Variants in NCSTN observed in about 807,000 individuals in gnomAD.
NCSTN encodes the protein anterior pharynx-defective 2.
A neutral mutation model predicts 87.0 loss-of-function variants in NCSTN; 22 were observed. The observed-to-expected ratio is 0.25, with a 90% CI of 0.18 to 0.36. The LOEUF is 0.36. Ranked by LOEUF, NCSTN falls within the 10% of genes least tolerant of loss-of-function variation. The pLI is 1.00. For synonymous variants in NCSTN, 306 were observed against 327.1 expected, an observed-to-expected ratio of 0.94 and a Z score of 0.69; for missense variants, 693 against 883.3, an observed-to-expected ratio of 0.78 and a Z score of 2.73.
At chr1:160,355,514 A>G in intron 11 of NCSTN, 141 bp from the exon 12 acceptor site, 1 of 714,214 alleles carries the variant, frequency 1.4e-6, no homozygotes, top group Non-Finnish European at 2.5e-6. Context: ...CTTCTGCAAT[A>G]TGGGATCCTG....
At chr1:160,356,085 C>A in intron 13 of NCSTN, 127 bp downstream of exon 13, 1 of 1,077,266 alleles carries the variant, frequency 9.3e-7, no homozygotes, top group Non-Finnish European at 1.4e-6. Context: ...TGCCTCATGC[C>A]CCAGAGAGCT....
At chr1:160,349,723 G>C in intron 4 of NCSTN, 53 bp downstream of exon 4, 2 of 1,606,588 alleles carry the variant, frequency 1.2e-6, no homozygotes, top group East Asian at 4.5e-5. Context: ...GCTCACTGTT[G>C]CTTCGGTCTT....
chr1:160,344,460 G>C, intron 1 of NCSTN: 1 of 1,492,766 alleles, frequency 6.7e-7, no homozygotes, highest in Non-Finnish European at 8.9e-7. Flanking sequence ...CTTTGACCAA[G>C]TTTTCTCTCT....
chr1:160,349,690 A>G lies in NCSTN; in HGVS notation c.436+20A>G, dbSNP rs753066548. On this transcript the variant is annotated intron_variant, in intron 4 of 16. Transcript: ENST00000294785. ...GGTTTGGTAAGTGTCCCAAAGGATC[A>G]GGAGAGCCTACTGTCACCTAAGGCT... 1.2e-6 allele frequency: 2 copies of G among 1,612,900 alleles called. No individual in the cohort carries two copies. Among genetic ancestry groups the G allele is most frequent in the East Asian group, 4.5e-5 (2 of 44,892 alleles).
In NCSTN at chr1:160,349,092, T is replaced by A. The variant is rs769114360; in HGVS notation, c.284T>A (p.Met95Lys). 6.2e-7 allele frequency: 1 copy of A among 1,614,184 alleles called. No homozygotes were observed. The highest frequency in any genetic ancestry group is 8.5e-7 in the Non-Finnish European group (1 of 1,180,020). ...VLTDGPNPPY[M>K]VLLESKHFTR... The stretch of plus-strand genomic sequence containing the variant: ...ACTGATGGCCCCAACCCCCCTTACA[T>A]GGTTCTGCTGGAGAGCAAGCATTTT... The change falls in exon 3 of 17, where the codon ATG (methionine) becomes AAG (lysine). Residue 95 changes from methionine (M) to lysine (K), a missense_variant. Met to Lys is a moderately conservative substitution (Grantham distance 95, BLOSUM62 -1). Transcript: ENST00000294785.
rs183217218 is a variant in NCSTN at position 160,346,750 on chromosome 1, C to T, written c.190+1924C>T. Among the ~76,000 whole-genome samples the T allele has an allele frequency of 5.8e-4, 88 of 152,242 alleles. 1 individual carries two copies. Among genetic ancestry groups the T allele is most frequent in the Middle Eastern group, 6.8e-3 (2 of 294 alleles). On this transcript the variant is annotated intron_variant, in intron 2 of 16. Coordinates refer to ENST00000294785, the MANE Select transcript of NCSTN (RefSeq NM_015331.3). ...CTTCTTGAATAGCTGGGATTACAGG[C>T]GCGTGCCACCGTGCCCAGCTAATTT...
intron 10 of NCSTN, chr1:160,353,456 C>T: frequency 6.9e-7 from 1 of 1,439,368 alleles, no homozygotes; most frequent in Non-Finnish European, 9.1e-7. Context: ...GGGTAGTTCT[C>T]TGATCATTTG....
At position 160,343,495 on chromosome 1, in the gene NCSTN, G is replaced by GC; in HGVS notation, c.85+17dup. 1 of 1,596,718 alleles carries GC rather than the reference G, an allele frequency of 6.3e-7. No homozygotes were observed. Among genetic ancestry groups the GC allele is most frequent in the African/African-American group, 1.3e-5 (1 of 74,938 alleles). On this transcript the variant is annotated intron_variant, in intron 1 of 16. Coordinates refer to ENST00000294785, the MANE Select transcript of NCSTN (RefSeq NM_015331.3). ...TCCTACTAGCAGGTGAGGCCTCCCC[G>GC]CCCGTGAGCTCCGTTCTCTAAGGGG...
In NCSTN at chr1:160,352,193, T is replaced by C. The variant is rs1244707376; in HGVS notation, c.983T>C (p.Val328Ala). The change falls in exon 8 of 17, where the codon GTC becomes GCC. Residue 328 changes from valine to alanine, a missense_variant. By Grantham distance (64) the Val-to-Ala change is moderately conservative (BLOSUM62 0). This residue lies in a region of NCSTN where 134 missense variants were observed against 226.0 expected (regional missense o/e 0.59). Coordinates refer to ENST00000294785, the MANE Select transcript of NCSTN (RefSeq NM_015331.3). ...VTTLPRNVMF[V>A]FFQGETFDYI... ...ACCCTGCCCCGCAATGTCATGTTTG[T>C]CTTCTTTCAAGGGGTAAGGGCTCTT... The C allele has an allele frequency of 3.7e-6, 6 of 1,613,978 alleles. No homozygotes were observed. The highest frequency in any genetic ancestry group is 5.1e-6 in the Non-Finnish European group (6 of 1,179,990).
intron 3 of NCSTN, 58 bp downstream of exon 3, chr1:160,349,180 A>G: frequency 6.2e-7 from 1 of 1,607,532 alleles, no homozygotes; most frequent in Non-Finnish European, 8.5e-7. Context: ...TTCAGTGAAC[A>G]GTCCTCACAC....
In NCSTN at chr1:160,354,160, G is replaced by A; in HGVS notation, c.1222G>A (p.Val408Ile). ...LATLEKSGAG[V>I]PAVILRRPNQ... is the part of the protein sequence containing the mutation. ...CACATTGGAGAAGAGTGGTGCTGGT[G>A]TCCCTGCTGTCATCCTCAGGAGGCC... The change falls in exon 11 of 17, where the codon GTC (valine) becomes ATC (isoleucine). Residue 408 changes from valine (V) to isoleucine (I), a missense_variant. Val to Ile is a conservative substitution (Grantham distance 29, BLOSUM62 3). Transcript: ENST00000294785. 6.2e-7 allele frequency: 1 copy of A among 1,614,138 alleles called. No individual in the cohort carries two copies. The highest frequency in any genetic ancestry group is 1.1e-5 in the South Asian group (1 of 91,084).
rs540638061 is a variant in NCSTN, at chr1:160,345,957, A to G, written c.190+1131A>G. ...CTGTCTGAAAAAAAAAAAAAAAAAA[A>G]AAAAGAAAATGCTGAATAATTGCAA... On this transcript the variant is annotated intron_variant, in intron 2 of 16. Coordinates refer to ENST00000294785, the MANE Select transcript of NCSTN (RefSeq NM_015331.3). Among the ~76,000 whole-genome samples, 508 of 151,464 alleles carry G rather than the reference A, an allele frequency of 3.4e-3. 3 individuals carry two copies. The highest frequency in any genetic ancestry group is 0.012 in the African/African-American group (478 of 41,270).
At chr1:160,349,501 G>A in intron 3 of NCSTN, 48 bp from the exon 4 acceptor site, 1 of 1,613,534 alleles carries the variant, frequency 6.2e-7, no homozygotes, top group Non-Finnish European at 8.5e-7. Flanking sequence ...ATGTCAGGCT[G>A]TCTGATACCT....
rs1010622743 is a variant in NCSTN, at chr1:160,358,440, T to A, written c.*169T>A. 1 of 877,164 alleles carries A rather than the reference T, an allele frequency of 1.1e-6. No individual in the cohort carries two copies. The highest frequency in any genetic ancestry group is 1.8e-6 in the Non-Finnish European group (1 of 551,052). 54.3% of individuals were successfully genotyped at this position (877,164 alleles called of 1,614,324 possible). A position where few individuals can be genotyped will look rare whatever the true frequency, so the allele number is the denominator to read the frequency against. ...AAGAGACAGGGAGAAATAAATAAAT[T>A]GCCTCCCTTCCTCCGCTCCCCTTTC... On this transcript the variant is annotated 3_prime_UTR_variant, in exon 17 of 17. Coordinates refer to ENST00000294785, the MANE Select transcript of NCSTN (RefSeq NM_015331.3).
At chr1:160,353,884 GA>G (rs77004914) in intron 10 of NCSTN, among the ~76,000 whole-genome samples, 2 of 151,478 alleles carry the variant, frequency 1.3e-5, no homozygotes, top group Non-Finnish European at 2.9e-5. Flanking sequence ...TTATAAATAT[GA>G]AAAAAAAGGT....
chr1:160,358,728 T>C lies in NCSTN; in HGVS notation c.*457T>C. The C allele has an allele frequency of 4.2e-6, 1 of 235,768 alleles. No individual in the cohort carries two copies. The highest frequency in any genetic ancestry group is 8.5e-6 in the Non-Finnish European group (1 of 117,848). 14.6% of individuals were successfully genotyped at this position (235,768 alleles called of 1,614,324 possible). A position where few individuals can be genotyped will look rare whatever the true frequency, so the allele number is the denominator to read the frequency against. On this transcript the variant is annotated 3_prime_UTR_variant, in exon 17 of 17. Coordinates refer to ENST00000294785, the MANE Select transcript of NCSTN (RefSeq NM_015331.3). ...CATTGAGCCCCTGAGGACAGGGGCA[T>C]CTCTGGGCTGAGCCTACTGTCTCCT...
At chr1:160,356,443 C>G in intron 14 of NCSTN, 96 bp downstream of exon 14, 2 of 1,424,844 alleles carry the variant, frequency 1.4e-6, no homozygotes, top group Non-Finnish European at 2.0e-6. Flanking sequence ...TCTTTTTCCT[C>G]TCTGTTTTTC....
chr1:160,345,956 A>G (rs897324130), intron 2 of NCSTN, among the ~76,000 whole-genome samples: 9 of 151,264 alleles, frequency 5.9e-5, no homozygotes, highest in East Asian at 3.9e-4. Flanking sequence ...AAAAAAAAAA[A>G]AAAAAGAAAA....
intron 13 of NCSTN, 74 bp downstream of exon 13, chr1:160,356,032 CCCAAACCTTGGAATT>C: frequency 7.1e-7 from 1 of 1,406,494 alleles, no homozygotes; most frequent in Non-Finnish European, 1.0e-6. Flanking sequence ...GCCCTAGTGT[CCCAAACCTTGGAATT>C]CCACATGACT....
Sources: allele counts gnomAD v4.1 joint callset (sites outside exome capture counted in the v4.1 genomes callset), GRCh38; gene constraint gnomAD v4.1.1; regional missense constraint gnomAD v4.1.1; transcripts MANE v1.5; gene names NCBI Gene and HGNC (gene_info 2026-07-23, HGNC 2026-07-21).